HNMT: variants seen among roughly 807,000 people sequenced by gnomAD.
HNMT encodes histamine N-methyltransferase.
In HNMT, 30 loss-of-function variants were observed where a neutral mutation model predicts 32.1. The ratio of observed to expected loss-of-function variants is 0.93; its 90% CI spans 0.70 to 1.27. The LOEUF (loss-of-function observed/expected upper bound fraction) is 1.27, where lower values mean the gene tolerates loss of function less well. HNMT is among the 50% of genes most tolerant of loss of function. The pLI is 0.00. For synonymous variants in HNMT, 125 were observed against 119.0 expected (o/e 1.05, Z -0.33); for missense variants, 327 against 346.0 (o/e 0.95, Z 0.43).
chr2:138,007,390 A>T (rs1681361230), intron 5 of HNMT, among the ~76,000 whole-genome samples: 1 of 151,980 alleles, frequency 6.6e-6, no homozygotes, highest in Non-Finnish European at 1.5e-5. Flanking sequence ...TGCAGTGAAA[A>T]ATAATTCTAC....
rs1455157 is a variant in HNMT at position 138,016,182 on chromosome 2, T to C, written c.*2052T>C. On this transcript the variant is annotated 3_prime_UTR_variant, in exon 6 of 6. Transcript: ENST00000280097. ...GAATTTGGAATGTTGTTTTATGTAT[T>C]GTTGTGGATCTCTCAGTGTTTAACA... The C allele has an allele frequency of 0.31, 47,809 of 152,038 alleles. 9,000 individuals carry two copies. Among genetic ancestry groups the C allele is most frequent in the African/African-American group, 0.52 (21,557 of 41,460 alleles). 9.4% of individuals were successfully genotyped at this position (152,038 alleles called of 1,614,324 possible). A position where few individuals can be genotyped will look rare whatever the true frequency, so the allele number is the denominator to read the frequency against.
chr2:137,973,769 T>C (rs1680202503), intron 2 of HNMT, among the ~76,000 whole-genome samples: 1 of 105,836 alleles, frequency 9.4e-6, no homozygotes, highest in South Asian at 3.4e-4. Context: ...TTAATTCTCA[T>C]GGTTTTTTTT....
In HNMT at chr2:138,015,430, T is replaced by C. The variant is rs1681635025; in HGVS notation, c.*1300T>C. The C allele has an allele frequency of 6.6e-6, 1 of 152,072 alleles. No homozygotes were observed. The highest frequency in any genetic ancestry group is 6.6e-5 in the Admixed American group (1 of 15,222). The allele number at this position is 152,072 out of a possible 1,614,324, so 9.4% of individuals were successfully genotyped here. On this transcript the variant is annotated 3_prime_UTR_variant, in exon 6 of 6. Transcript: ENST00000280097. ...ATGTAATGTTGCCGTATAATCACTTTAAAAAGTTAAACGACCCATCTCAAT... is the reference window on the plus strand; with the variant it reads ...ATGTAATGTTGCCGTATAATCACTTCAAAAAGTTAAACGACCCATCTCAAT...
intron 2 of HNMT, among the ~76,000 whole-genome samples, chr2:137,995,194 CA>C (rs1189465538): frequency 6.6e-6 from 1 of 150,788 alleles, no homozygotes; most frequent in Non-Finnish European, 1.5e-5. Context: ...GATAGAGACC[CA>C]AAAACCCTCC....
At chr2:137,993,809 A>T (rs1680900073) in intron 2 of HNMT, among the ~76,000 whole-genome samples, 1 of 152,168 alleles carries the variant, frequency 6.6e-6, no homozygotes, top group South Asian at 2.1e-4. Flanking sequence ...AACCCATCAG[A>T]CTGACAGACC....
rs1679994310 is a variant in HNMT at position 137,967,450 on chromosome 2, G to C, written c.138-2715G>C. 1.7e-5 allele frequency: 4 copies of C among 242,144 alleles called. No homozygotes were observed. In the South Asian group the frequency reaches 4.9e-4, roughly 29 times the overall value. 15.0% of individuals were successfully genotyped at this position (242,144 alleles called of 1,614,324 possible). ...AATGCTACTCAAAATTCTCATCCTT[G>C]GCATGTGGAATAACTTTTACATTGC... On this transcript the variant is annotated intron_variant, in intron 1 of 5. Transcript: ENST00000280097.
At chr2:137,994,044 C>T (rs62167069) in intron 2 of HNMT, among the ~76,000 whole-genome samples, 237 of 152,256 alleles carry the variant, frequency 1.6e-3, no homozygotes, top group Non-Finnish European at 2.6e-3. Flanking sequence ...AAGGAAAAGC[C>T]AGGAGCAGCC....
intron 2 of HNMT, among the ~76,000 whole-genome samples, chr2:137,971,564 G>A (rs768385454): frequency 2.6e-5 from 4 of 152,166 alleles, no homozygotes; most frequent in African/African-American, 9.7e-5. Context: ...GTCTGGAAAG[G>A]TAGATGGACA....
chr2:138,005,149 A>C lies in HNMT; in HGVS notation c.447A>C (p.Lys149Asn). The C allele has an allele frequency of 1.3e-6, 2 of 1,586,744 alleles. No homozygotes were observed. Among genetic ancestry groups the C allele is most frequent in the Non-Finnish European group, 1.7e-6 (2 of 1,155,624 alleles). Residue 149 changes from lysine to asparagine, a missense_variant, in exon 5 of 6, where the codon AAA becomes AAC. Coordinates refer to ENST00000280097, the MANE Select transcript of HNMT (RefSeq NM_006895.3). The stretch of plus-strand genomic sequence containing the variant: ...CTTTCTAGATGCTGTATTATGTAAA[A>C]GACATCCCAGCTACCCTGAAATTCT... ...IHMIQMLYYV[K>N]DIPATLKFFH...
chr2:137,969,820 C>T (rs1211193654), intron 1 of HNMT, among the ~76,000 whole-genome samples: 2 of 152,074 alleles, frequency 1.3e-5, no homozygotes, highest in Non-Finnish European at 2.9e-5. Context: ...CCAGCTGAGC[C>T]TTTCCTTTAT....
rs979881298 is a variant in HNMT, at chr2:138,005,648, C to G, written c.523+423C>G. ...TTCAGATGTCATCATTTTTAATTGA[C>G]TTGCATTCTTAGAGCCATGATCAAC... On this transcript the variant is annotated intron_variant, in intron 5 of 5. Coordinates refer to ENST00000280097, the MANE Select transcript of HNMT (RefSeq NM_006895.3). Among the ~76,000 whole-genome samples the G allele has an allele frequency of 5.3e-5, 8 of 151,852 alleles. No homozygotes were observed. In the East Asian group the frequency reaches 1.4e-3, roughly 26 times the overall value.
chr2:137,989,085 A>G (rs1680738199), intron 2 of HNMT, among the ~76,000 whole-genome samples: 1 of 152,150 alleles, frequency 6.6e-6, no homozygotes. Flanking sequence ...TTGACATATA[A>G]TTACTAGAAG....
chr2:137,985,498 T>C (rs1680626508), intron 2 of HNMT, among the ~76,000 whole-genome samples: 1 of 152,210 alleles, frequency 6.6e-6, no homozygotes, highest in Non-Finnish European at 1.5e-5. Flanking sequence ...TTCCAAGTTG[T>C]GACTTCTCTC....
intron 2 of HNMT, among the ~76,000 whole-genome samples, chr2:137,983,135 G>A (rs1031967059): frequency 1.3e-5 from 2 of 152,126 alleles, no homozygotes; most frequent in African/African-American, 4.8e-5. Context: ...GAAAGTTCTA[G>A]AGCCTAAAGT....
chr2:138,006,083 T>C (rs1038790959), intron 5 of HNMT, among the ~76,000 whole-genome samples: 1 of 151,990 alleles, frequency 6.6e-6, no homozygotes, highest in Non-Finnish European at 1.5e-5. Flanking sequence ...TATGTGAAAG[T>C]TTGGCAATAG....
chr2:137,985,412 T>A (rs1379252413), intron 2 of HNMT, among the ~76,000 whole-genome samples: 13 of 152,212 alleles, frequency 8.5e-5, no homozygotes, highest in Admixed American at 8.5e-4. Flanking sequence ...GGGATTTCCT[T>A]GCAGCCTATC....
intron 2 of HNMT, among the ~76,000 whole-genome samples, chr2:137,992,766 A>G (rs1394189539): frequency 6.6e-6 from 1 of 152,154 alleles, no homozygotes; most frequent in Non-Finnish European, 1.5e-5. Flanking sequence ...GACACCCTAT[A>G]CAGGAGTGCT....
At chr2:137,987,411 C>T (rs916480769) in intron 2 of HNMT, among the ~76,000 whole-genome samples, 1 of 152,078 alleles carries the variant, frequency 6.6e-6, no homozygotes, top group Non-Finnish European at 1.5e-5. Context: ...TCACTTACCC[C>T]TGAATTTGTT....
At position 138,015,344 on chromosome 2, in the gene HNMT, C is replaced by G. The variant is rs1211056495; in HGVS notation, c.*1214C>G. Reference sequence around the variant, plus strand: ...ACTAAACAGCTCATGAGCCCTCATTCTGCCAGTGAGGAAGCCTTCAACCCC... The same window carrying G: ...ACTAAACAGCTCATGAGCCCTCATTGTGCCAGTGAGGAAGCCTTCAACCCC... On this transcript the variant is annotated 3_prime_UTR_variant, in exon 6 of 6. Transcript: ENST00000280097. The G allele has an allele frequency of 2.0e-5, 3 of 152,120 alleles. No individual in the cohort carries two copies. The highest frequency in any genetic ancestry group is 7.2e-5 in the African/African-American group (3 of 41,430). The allele number at this position is 152,120 out of a possible 1,614,324, so 9.4% of individuals were successfully genotyped here.
Sources: allele counts gnomAD v4.1 joint callset (sites outside exome capture counted in the v4.1 genomes callset), GRCh38; gene constraint gnomAD v4.1.1; transcripts MANE v1.5; gene names NCBI Gene and HGNC (gene_info 2026-07-23, HGNC 2026-07-21).